OPCML: variants seen among roughly 807,000 people sequenced by gnomAD.
OPCML encodes the protein opioid-binding protein/cell adhesion molecule.
A neutral mutation model predicts 37.8 loss-of-function variants in OPCML; 13 were observed. The ratio of observed to expected loss-of-function variants is 0.34; its 90% CI spans 0.22 to 0.55. The LOEUF (loss-of-function observed/expected upper bound fraction) is 0.55. OPCML is among the 20% of genes least tolerant of loss of function. The pLI, the probability that OPCML is intolerant of heterozygous loss-of-function variation, is 0.91. For synonymous variants in OPCML, 176 were observed against 168.8 expected (o/e 1.04, Z -0.33); for missense variants, 341 against 435.6 (o/e 0.78, Z 1.93).
At chr11:132,630,653 C>A (rs569707442) in intron 3 of OPCML, among the ~76,000 whole-genome samples, 12 of 152,118 alleles carry the variant, frequency 7.9e-5, no homozygotes, top group South Asian at 6.2e-4. Context: ...GCAGAGCAAT[C>A]GTGATTCTCA....
intron 1 of OPCML, chr11:133,025,493 C>A: frequency 1.0e-6 from 1 of 985,126 alleles, no homozygotes. Flanking sequence ...TCTAGTCAGT[C>A]GGCTCTCTCA....
At chr11:132,894,463 GC>G (rs1424842423) in intron 2 of OPCML, among the ~76,000 whole-genome samples, 1 of 152,118 alleles carries the variant, frequency 6.6e-6, no homozygotes, top group East Asian at 1.9e-4. Flanking sequence ...GACTTCAGGG[GC>G]CCACACCACT....
chr11:133,188,327 G>A (rs764086012), intron 1 of OPCML, among the ~76,000 whole-genome samples: 8 of 152,066 alleles, frequency 5.3e-5, no homozygotes, highest in South Asian at 2.1e-4. Flanking sequence ...TTTATCACTG[G>A]CTCTTTCTGT....
At chr11:133,013,920 C>T (rs1026808465) in intron 1 of OPCML, among the ~76,000 whole-genome samples, 1 of 152,208 alleles carries the variant, frequency 6.6e-6, no homozygotes, top group African/African-American at 2.4e-5. Context: ...GAAGCAGATG[C>T]ACGACAGCTC....
chr11:133,363,306 G>A (rs923567017), intron 1 of OPCML, among the ~76,000 whole-genome samples: 1 of 152,182 alleles, frequency 6.6e-6, no homozygotes, highest in Non-Finnish European at 1.5e-5. Context: ...TCGTGGAAAC[G>A]AGTCTTCGCC....
intron 4 of OPCML, among the ~76,000 whole-genome samples, chr11:132,439,406 G>A (rs1381448328): frequency 2.6e-5 from 4 of 152,272 alleles, no homozygotes; most frequent in South Asian, 2.1e-4. Flanking sequence ...GGGTTAAGCC[G>A]GCATTTGCTG....
intron 1 of OPCML, among the ~76,000 whole-genome samples, chr11:133,483,691 GA>G (rs2120363406): frequency 7.1e-6 from 1 of 141,064 alleles, no homozygotes; most frequent in East Asian, 2.0e-4. Context: ...TAGATAGATA[GA>G]TAGATAGATA....
At chr11:132,462,873 C>T (rs2096107409) in intron 4 of OPCML, among the ~76,000 whole-genome samples, 1 of 152,150 alleles carries the variant, frequency 6.6e-6, no homozygotes, top group Non-Finnish European at 1.5e-5. Context: ...GAAGGTCAGA[C>T]ATGGAGAGGG....
chr11:132,635,528 C>G (rs1468583963), intron 3 of OPCML, among the ~76,000 whole-genome samples: 1 of 118,100 alleles, frequency 8.5e-6, no homozygotes, highest in African/African-American at 3.2e-5. Context: ...GAGTTTTATT[C>G]AAGGAAAAAA....
chr11:133,202,054 T>A (rs1022919884), intron 1 of OPCML, among the ~76,000 whole-genome samples: 26 of 151,896 alleles, frequency 1.7e-4, no homozygotes, highest in African/African-American at 6.1e-4. Context: ...ACATAAAAAA[T>A]AATTCACTGT....
chr11:132,942,516 C>T (rs941467021), intron 2 of OPCML, among the ~76,000 whole-genome samples: 1 of 152,120 alleles, frequency 6.6e-6, no homozygotes, highest in African/African-American at 2.4e-5. Context: ...TAAGGGCTAG[C>T]CTGGTGGTCC....
intron 2 of OPCML, among the ~76,000 whole-genome samples, chr11:132,873,703 A>C (rs183427883): frequency 2.9e-5 from 4 of 137,768 alleles, no homozygotes; most frequent in African/African-American, 1.1e-4. Flanking sequence ...AGCTGGGCTG[A>C]GCAGTTGGGC....
intron 2 of OPCML, among the ~76,000 whole-genome samples, chr11:132,833,353 A>G (rs537418971): frequency 1.3e-5 from 2 of 152,266 alleles, no homozygotes; most frequent in South Asian, 4.1e-4. Flanking sequence ...GATGATCACT[A>G]TCACTGTCCT....
intron 1 of OPCML, among the ~76,000 whole-genome samples, chr11:133,121,543 A>C (rs189869466): frequency 6.6e-6 from 1 of 152,338 alleles, no homozygotes; most frequent in East Asian, 1.9e-4. Flanking sequence ...AGGGGGTGAT[A>C]GGAATCCTGG....
intron 1 of OPCML, among the ~76,000 whole-genome samples, chr11:133,140,695 G>A (rs1215322527): frequency 7.0e-5 from 6 of 85,608 alleles, no homozygotes; most frequent in Non-Finnish European, 9.7e-5. Context: ...GATGGAAGAC[G>A]GAAGAAGAAG....
At chr11:133,229,846 T>C (rs1940200402) in intron 1 of OPCML, among the ~76,000 whole-genome samples, 1 of 152,210 alleles carries the variant, frequency 6.6e-6, no homozygotes, top group Non-Finnish European at 1.5e-5. Context: ...GTCCAAAGCC[T>C]TTACTGTGCG....
rs1565398745 is a variant in OPCML at position 133,015,399 on chromosome 11, G to GGAAGGAAGGAAT, written c.62-72390_62-72389insATTCCTTCCTTC. 1.9e-3 allele frequency among the ~76,000 whole-genome samples: 134 copies of GGAAGGAAGGAAT among 70,190 alleles called. 3 individuals carry two copies. The highest frequency in any genetic ancestry group is 8.3e-3 in the South Asian group (15 of 1,806). The allele number at this position is 70,190 out of a possible 152,430, so 46.0% of individuals were successfully genotyped here. A position where few individuals can be genotyped will look rare whatever the true frequency, so the allele number is the denominator to read the frequency against. On this transcript the variant is annotated intron_variant, in intron 1 of 7. Coordinates refer to ENST00000524381, the MANE Select transcript of OPCML (RefSeq NM_001012393.5). ...AGGAAGGAAGGAAGGAAGGAATGAA[G>GGAAGGAAGGAAT]GAAGGAAGGAAGGAAGGAAGGAAGG... is the stretch of plus-strand genomic sequence containing the variant.
intron 1 of OPCML, among the ~76,000 whole-genome samples, chr11:133,383,279 T>G (rs1032161284): frequency 6.6e-6 from 1 of 152,146 alleles, no homozygotes; most frequent in African/African-American, 2.4e-5. Flanking sequence ...CGATCCCCAT[T>G]ATTCCAGTTC....
In OPCML at chr11:132,663,556, C is replaced by T. The variant is rs1005032639; in HGVS notation, c.147-6237G>A. Among the ~76,000 whole-genome samples, 6 of 152,222 alleles carry T rather than the reference C, an allele frequency of 3.9e-5. No individual in the cohort carries two copies. In the South Asian group the frequency reaches 6.2e-4, roughly 16 times the overall value. On this transcript the variant is annotated intron_variant, in intron 2 of 7. Coordinates refer to ENST00000524381, the MANE Select transcript of OPCML (RefSeq NM_001012393.5). Reference sequence around the variant, plus strand: ...TTCAGATTTGCACCTGTGTTCACCACACTGGCACATTGAGAAGTCCTTGCA... The same window carrying T: ...TTCAGATTTGCACCTGTGTTCACCATACTGGCACATTGAGAAGTCCTTGCA...
Sources: gnomAD v4.1 joint callset for allele counts (sites outside exome capture counted in the v4.1 genomes callset) on GRCh38, gnomAD v4.1.1 for gene constraint, MANE v1.5 for transcripts, NCBI Gene and HGNC (gene_info 2026-07-23, HGNC 2026-07-21) for gene names.